NREP: variants seen among roughly 807,000 people sequenced by gnomAD.
The protein encoded by NREP is neuronal regeneration related protein, also known as neuronal regeneration-related protein.
Under a neutral mutation model 8.6 loss-of-function variants are expected in NREP, and 5 were observed. The ratio of observed to expected loss-of-function variants is 0.58; its 90% CI spans 0.30 to 1.22. The LOEUF (loss-of-function observed/expected upper bound fraction) is 1.22. Among genes scored for constraint, NREP ranks in the 50% most tolerant of loss-of-function variants. The pLI, the probability that NREP is intolerant of heterozygous loss-of-function variation, is 0.07. For synonymous variants in NREP, 27 were observed against 28.0 expected (o/e 0.96, Z 0.11); for missense variants, 86 against 82.5 (o/e 1.04, Z -0.17).
At chr5:111,933,889 A>G (rs1755611048) in intron 2 of NREP, among the ~76,000 whole-genome samples, 1 of 152,164 alleles carries the variant, frequency 6.6e-6, no homozygotes. Context: ...GTCTGTAACC[A>G]AAATGCAGGT....
At chr5:111,919,051 C>A (rs970302020) in intron 2 of NREP, among the ~76,000 whole-genome samples, 3 of 152,044 alleles carry the variant, frequency 2.0e-5, no homozygotes, top group African/African-American at 7.2e-5. Context: ...AACAGACAAC[C>A]TCATCAAAAA....
intron 2 of NREP, among the ~76,000 whole-genome samples, chr5:111,822,190 AT>A (rs1044185950): frequency 4.6e-5 from 7 of 152,316 alleles, no homozygotes; most frequent in Admixed American, 4.6e-4. Context: ...CTTTGAAGGC[AT>A]TGGAAAGTTA....
intron 2 of NREP, among the ~76,000 whole-genome samples, chr5:111,834,251 ATAAG>A (rs1752841611): frequency 6.6e-6 from 1 of 152,194 alleles, no homozygotes; most frequent in Admixed American, 6.5e-5. Flanking sequence ...TTGTAAAATT[ATAAG>A]TAAGATAAAA....
Position 111,783,795 on chromosome 5 carries a change from G to C in NREP, c.136-48288C>G, listed in dbSNP as rs117446052. Among the ~76,000 whole-genome samples, 138 of 152,240 alleles carry C rather than the reference G, an allele frequency of 9.1e-4. 2 individuals carry two copies. In the East Asian group the frequency reaches 0.026, roughly 29 times the overall value. ...GTAAATATCTGTCTGCCTTTAGATAGAGACTCTGTCTTACTCACCTTTTAT... is the reference window on the plus strand; with the variant it reads ...GTAAATATCTGTCTGCCTTTAGATACAGACTCTGTCTTACTCACCTTTTAT... On this transcript the variant is annotated intron_variant, in intron 2 of 3. Coordinates refer to the NREP transcript ENST00000395634.
intron 2 of NREP, among the ~76,000 whole-genome samples, chr5:111,963,338 C>G (rs1756534048): frequency 6.6e-6 from 1 of 152,174 alleles, no homozygotes; most frequent in Admixed American, 6.5e-5. Flanking sequence ...ACAATGGGGT[C>G]CAGAAAAACT....
chr5:111,820,620 C>G (rs1752494618), intron 2 of NREP, among the ~76,000 whole-genome samples: 1 of 151,350 alleles, frequency 6.6e-6, no homozygotes. Flanking sequence ...TATGGCTGAT[C>G]ATAAATATGT....
chr5:111,765,571 GCCA>G (rs1186612264), intron 2 of NREP, among the ~76,000 whole-genome samples: 1 of 152,236 alleles, frequency 6.6e-6, no homozygotes, highest in East Asian at 1.9e-4. Flanking sequence ...GAAAGGTTAA[GCCA>G]CCACATTACT....
intron 2 of NREP, among the ~76,000 whole-genome samples, chr5:111,741,708 G>A (rs1749679112): frequency 6.6e-6 from 1 of 152,062 alleles, no homozygotes; most frequent in Non-Finnish European, 1.5e-5. Flanking sequence ...TTCAGATGAT[G>A]TACGTAACCT....
At chr5:111,870,764 G>C (rs1753770562) in intron 2 of NREP, among the ~76,000 whole-genome samples, 1 of 152,068 alleles carries the variant, frequency 6.6e-6, no homozygotes, top group African/African-American at 2.4e-5. Context: ...TGAAGATGGA[G>C]GCAGAGATTG....
chr5:111,796,533 T>C (rs886759049), intron 2 of NREP, among the ~76,000 whole-genome samples: 3 of 152,228 alleles, frequency 2.0e-5, no homozygotes, highest in African/African-American at 7.2e-5. Context: ...TAAGGTCATC[T>C]GCTTACTCGT....
intron 2 of NREP, among the ~76,000 whole-genome samples, chr5:111,783,091 GTTTCAT>G (rs1751532175): frequency 2.0e-5 from 3 of 152,056 alleles, no homozygotes; most frequent in Non-Finnish European, 2.9e-5. Flanking sequence ...TGGTAAGAAT[GTTTCAT>G]TGTTCCACAG....
chr5:111,970,260 A>G (rs1362382091), intron 2 of NREP, among the ~76,000 whole-genome samples: 1 of 152,166 alleles, frequency 6.6e-6, no homozygotes, highest in Non-Finnish European at 1.5e-5. Context: ...GTCTAAGACA[A>G]CTAGTAAAAT....
At chr5:111,924,436 G>A (rs1482656037) in intron 2 of NREP, among the ~76,000 whole-genome samples, 3 of 149,620 alleles carry the variant, frequency 2.0e-5, no homozygotes, top group Admixed American at 1.4e-4. Context: ...TAGGTATTGT[G>A]AGTCAGGGTG....
chr5:111,789,036 C>A (rs1168413340), intron 2 of NREP, among the ~76,000 whole-genome samples: 1 of 152,216 alleles, frequency 6.6e-6, no homozygotes, highest in Non-Finnish European at 1.5e-5. Flanking sequence ...AAGTGGGACA[C>A]TGGCTGGGCA....
At chr5:111,858,296 T>G (rs1753469396) in intron 2 of NREP, among the ~76,000 whole-genome samples, 1 of 152,098 alleles carries the variant, frequency 6.6e-6, no homozygotes, top group Non-Finnish European at 1.5e-5. Flanking sequence ...CTCCCTCCCC[T>G]GCAGTAAGGT....
intron 2 of NREP, among the ~76,000 whole-genome samples, chr5:111,868,793 A>T (rs1186060167): frequency 1.3e-5 from 2 of 151,308 alleles, no homozygotes; most frequent in Non-Finnish European, 2.9e-5. Context: ...ACACAAATTC[A>T]TCTAAATGGC....
At chr5:111,880,745 T>C (rs952030118) in intron 2 of NREP, among the ~76,000 whole-genome samples, 2,820 of 148,448 alleles carry the variant, frequency 0.019, 51 homozygotes, top group Non-Finnish European at 0.027. Flanking sequence ...TTTTTTTTTT[T>C]TTTTTTTTTG....
intron 2 of NREP, among the ~76,000 whole-genome samples, chr5:111,928,897 C>T (rs571932710): frequency 2.0e-5 from 3 of 152,084 alleles, no homozygotes; most frequent in Non-Finnish European, 4.4e-5. Context: ...TATACCACCC[C>T]TTAGTGTGTA....
intron 2 of NREP, among the ~76,000 whole-genome samples, chr5:111,811,261 C>A (rs942249228): frequency 3.3e-5 from 5 of 151,954 alleles, no homozygotes; most frequent in African/African-American, 4.8e-5. Context: ...CTGAATTTGC[C>A]CCTTCTATTA....
Sources: allele counts gnomAD v4.1 joint callset (sites outside exome capture counted in the v4.1 genomes callset), GRCh38; gene constraint gnomAD v4.1.1; transcripts MANE v1.5; gene names NCBI Gene and HGNC (gene_info 2026-07-23, HGNC 2026-07-21).